ERP44: variants seen among roughly 807,000 people sequenced by gnomAD.
ERP44 encodes endoplasmic reticulum resident protein 44.
In ERP44, 25 loss-of-function variants were observed where a neutral mutation model predicts 53.4. The ratio of observed to expected loss-of-function variants is 0.47; its 90% CI spans 0.34 to 0.65. The LOEUF is 0.65. Ranked by LOEUF, ERP44 falls within the 30% of genes least tolerant of loss-of-function variation. The probability of loss-of-function intolerance (pLI) is 0.01; values close to 1 mark genes in which losing one functional copy is unlikely to be tolerated. For missense variants in ERP44, 338 were observed against 493.2 expected (o/e 0.69, Z 2.98); for synonymous variants, 145 against 161.2 (o/e 0.90, Z 0.76).
At chr9:100,062,269 T>A (rs531596155) in intron 1 of ERP44, among the ~76,000 whole-genome samples, 1 of 152,328 alleles carries the variant, frequency 6.6e-6, no homozygotes, top group Non-Finnish European at 1.5e-5. Context: ...ATTAAATAAA[T>A]TTGTATGCTT....
chr9:100,016,282 T>C, intron 8 of ERP44, 40 bp downstream of exon 8: 1 of 1,565,970 alleles, frequency 6.4e-7, no homozygotes, highest in Non-Finnish European at 8.6e-7. Context: ...GTTTCAGACA[T>C]TTGAATTTAA....
chr9:99,993,671 TTAAAC>T (rs1185822745), intron 10 of ERP44, among the ~76,000 whole-genome samples: 1 of 152,126 alleles, frequency 6.6e-6, no homozygotes, highest in African/African-American at 2.4e-5. Context: ...TGGGATCTAA[TTAAAC>T]TAAAGAGCTT....
At chr9:100,006,425 T>C (rs1217744412) in intron 10 of ERP44, 81 bp downstream of exon 10, 69 of 1,069,744 alleles carry the variant, frequency 6.5e-5, no homozygotes, top group Non-Finnish European at 5.5e-6. Context: ...CATAGGATTA[T>C]TTAAAATATT....
chr9:100,097,823 G>C (rs796327663), intron 1 of ERP44, among the ~76,000 whole-genome samples: 3 of 152,346 alleles, frequency 2.0e-5, no homozygotes, highest in African/African-American at 7.2e-5. Context: ...GTAACTAGCT[G>C]TGTGACTTCA....
intron 10 of ERP44, among the ~76,000 whole-genome samples, chr9:99,992,383 A>G (rs1426511769): frequency 6.6e-6 from 1 of 152,224 alleles, no homozygotes; most frequent in Non-Finnish European, 1.5e-5. Context: ...AATAAACGTA[A>G]TCCATCACAT....
intron 4 of ERP44, among the ~76,000 whole-genome samples, chr9:100,039,631 A>C (rs531338476): frequency 3.9e-5 from 6 of 152,240 alleles, no homozygotes; most frequent in African/African-American, 1.4e-4. Flanking sequence ...AAGCAAGATC[A>C]AACCAAACCC....
At chr9:100,094,806 T>TA (rs5899404) in intron 1 of ERP44, among the ~76,000 whole-genome samples, 70,114 of 150,906 alleles carry the variant, frequency 0.46, 17,599 homozygotes, top group East Asian at 0.9. Flanking sequence ...CTACAAAAAT[T>TA]AAAAAAAATT....
In ERP44 at chr9:99,998,577, T is replaced by G. The variant is rs1206210812; in HGVS notation, c.1016+7929A>C. The G allele has an allele frequency of 2.9e-5, 21 of 735,634 alleles. No homozygotes were observed. The South Asian group carries it at 2.9e-4, about 10-fold the overall frequency. 45.6% of individuals were successfully genotyped at this position (735,634 alleles called of 1,614,324 possible). On this transcript the variant is annotated intron_variant, in intron 10 of 11. Coordinates refer to ENST00000262455, the MANE Select transcript of ERP44 (RefSeq NM_015051.3). ...AGCCAGTCAGGCTCGTGGTGAGCTC[T>G]GTGCCTCCTGCCGTCATCCACATGC...
intron 10 of ERP44, among the ~76,000 whole-genome samples, chr9:100,004,081 A>C (rs565258103): frequency 6.6e-6 from 1 of 151,530 alleles, no homozygotes. Context: ...GGCTGGCTGA[A>C]AGCCTAGAGC....
In ERP44 at chr9:100,018,220, T is replaced by C. The variant is rs554384365; in HGVS notation, c.645+36A>G. 7.2e-6 allele frequency: 9 copies of C among 1,255,366 alleles called. No individual in the cohort carries two copies. The African/African-American group carries it at 8.8e-5, about 12-fold the overall frequency. 77.8% of individuals were successfully genotyped at this position (1,255,366 alleles called of 1,614,324 possible). A position where few individuals can be genotyped will look rare whatever the true frequency, so the allele number is the denominator to read the frequency against. ...ACATCTTACGCATGTATTTAAATTA[T>C]ATCTTATCATACAACATTAAGAAAT... On this transcript the variant is annotated intron_variant, in intron 7 of 11. Coordinates refer to ENST00000262455, the MANE Select transcript of ERP44 (RefSeq NM_015051.3).
intron 1 of ERP44, among the ~76,000 whole-genome samples, chr9:100,077,251 G>A (rs185696155): frequency 1.3e-5 from 2 of 152,296 alleles, no homozygotes; most frequent in Non-Finnish European, 2.9e-5. Flanking sequence ...CATTGCCTCT[G>A]ACAAAGACGC....
chr9:100,078,455 C>CA (rs61442605), intron 1 of ERP44, among the ~76,000 whole-genome samples: 78,104 of 114,618 alleles, frequency 0.68, 25,990 homozygotes, highest in East Asian at 0.89. Flanking sequence ...AAGACTCTAT[C>CA]AAAAAAAAAA....
At chr9:99,995,163 T>A (rs1406542062) in intron 10 of ERP44, among the ~76,000 whole-genome samples, 1 of 152,248 alleles carries the variant, frequency 6.6e-6, no homozygotes, top group Admixed American at 6.5e-5. Flanking sequence ...TTCATTGTCT[T>A]TGTATAGAAA....
At chr9:100,060,035 TG>T in intron 2 of ERP44, 64 bp downstream of exon 2, 1 of 1,240,894 alleles carries the variant, frequency 8.1e-7, no homozygotes, top group South Asian at 2.3e-5. Flanking sequence ...GTTTTTTTTT[TG>T]TATATATAAA....
chr9:99,998,948 T>A, intron 10 of ERP44: 1 of 1,572,046 alleles, frequency 6.4e-7, no homozygotes, highest in East Asian at 2.2e-5. Flanking sequence ...CACAGTAGGT[T>A]TCTAAAAAGT....
chr9:100,045,317 T>C (rs1825953730), intron 4 of ERP44, among the ~76,000 whole-genome samples: 1 of 152,208 alleles, frequency 6.6e-6, no homozygotes, highest in Non-Finnish European at 1.5e-5. Context: ...CATCATTTTG[T>C]AGCATTCAAT....
intron 1 of ERP44, among the ~76,000 whole-genome samples, chr9:100,066,679 T>C (rs998890960): frequency 3.9e-5 from 6 of 152,220 alleles, no homozygotes; most frequent in Admixed American, 6.5e-5. Context: ...CCCTGAGACC[T>C]AGGCTGCTTC....
At chr9:100,017,763 T>C (rs1439313690) in intron 7 of ERP44, among the ~76,000 whole-genome samples, 1 of 152,208 alleles carries the variant, frequency 6.6e-6, no homozygotes, top group Non-Finnish European at 1.5e-5. Context: ...ATGGCTACCA[T>C]CACCTGGTAG....
intron 4 of ERP44, among the ~76,000 whole-genome samples, chr9:100,032,437 G>T (rs1166716921): frequency 6.6e-6 from 1 of 151,982 alleles, no homozygotes; most frequent in Admixed American, 6.6e-5. Flanking sequence ...TAGATATTAG[G>T]TCCCCTAAAG....
Sources: allele counts gnomAD v4.1 joint callset (sites outside exome capture counted in the v4.1 genomes callset), GRCh38; gene constraint gnomAD v4.1.1; transcripts MANE v1.5; gene names NCBI Gene and HGNC (gene_info 2026-07-23, HGNC 2026-07-21).